DOCK4: variants seen among roughly 807,000 people sequenced by gnomAD.
DOCK4 encodes the protein dedicator of cytokinesis 4, also known as dedicator of cytokinesis protein 4.
Under a neutral mutation model 268.1 loss-of-function variants are expected in DOCK4, and 97 were observed. The observed-to-expected ratio is 0.36, with a 90% CI of 0.31 to 0.43. DOCK4 has a LOEUF of 0.43. Ranked by LOEUF, DOCK4 falls within the 20% of genes least tolerant of loss-of-function variation. The probability of loss-of-function intolerance (pLI) is 1.00; values close to 1 mark genes in which losing one functional copy is unlikely to be tolerated. For missense variants in DOCK4, 2,145 were observed against 2,455.7 expected (o/e 0.87, Z 2.67); for synonymous variants, 954 against 887.2 (o/e 1.08, Z -1.34).
rs1817540882 is a variant in DOCK4, at chr7:112,165,561, C to CGCGCGT, written c.37+40540_37+40541insACGCGC. ...GTGTGTGTGTGTGTGTGTGTGTGTGCGTGTGTGTGTGTATCCCATTTCTTT... is the reference window on the plus strand; with the variant it reads ...GTGTGTGTGTGTGTGTGTGTGTGTGCGCGCGTGTGTGTGTGTGTATCCCATTTCTTT... On this transcript the variant is annotated intron_variant, in intron 1 of 52. Transcript: ENST00000428084. Among the ~76,000 whole-genome samples the CGCGCGT allele has an allele frequency of 6.9e-5, 5 of 72,036 alleles. No individual in the cohort carries two copies. The South Asian group carries it at 2.3e-3, about 33-fold the overall frequency. 47.3% of individuals were successfully genotyped at this position (72,036 alleles called of 152,430 possible). A position where few individuals can be genotyped will look rare whatever the true frequency, so the allele number is the denominator to read the frequency against.
chr7:112,038,680 C>T lies in DOCK4; in HGVS notation c.38-34549G>A, dbSNP rs926398731. Among the ~76,000 whole-genome samples the T allele has an allele frequency of 1.1e-4, 16 of 152,128 alleles. No individual in the cohort carries two copies. The East Asian group carries it at 1.2e-3, about 11-fold the overall frequency. On this transcript the variant is annotated intron_variant, in intron 1 of 52. Transcript: ENST00000428084. ...ACCAACACCAGCGGGTCACATTTCT[C>T]CTCCAAGTGACCAAAGTAACAAAAA...
rs181036867 is a variant in DOCK4, at chr7:111,850,194, C to T, written c.2474-3068G>A. Among the ~76,000 whole-genome samples the T allele has an allele frequency of 7.6e-4, 115 of 152,202 alleles. 1 individual carries two copies. Among genetic ancestry groups the T allele is most frequent in the Non-Finnish European group, 1.3e-3 (90 of 68,006 alleles). On this transcript the variant is annotated intron_variant, in intron 23 of 52. Coordinates refer to ENST00000428084, the MANE Select transcript of DOCK4 (RefSeq NM_001363540.2). ...ATAAAGTTGATAACACCCTTGATAT[C>T]TGATTGGGTTCCTCATCCTCCACCA...
chr7:111,795,217 C>G (rs1370896237), intron 30 of DOCK4, among the ~76,000 whole-genome samples: 1 of 152,088 alleles, frequency 6.6e-6, no homozygotes, highest in African/African-American at 2.4e-5. Context: ...CTGGTAGTCC[C>G]AGCTACTTGG....
At chr7:112,160,159 T>G (rs1445553096) in intron 1 of DOCK4, among the ~76,000 whole-genome samples, 2 of 152,200 alleles carry the variant, frequency 1.3e-5, no homozygotes, top group East Asian at 3.8e-4. Flanking sequence ...TCTATCTCAG[T>G]GCACTGCAGT....
chr7:111,947,608 G>A (rs551578690), intron 8 of DOCK4, among the ~76,000 whole-genome samples: 12 of 152,280 alleles, frequency 7.9e-5, no homozygotes, highest in African/African-American at 2.9e-4. Context: ...TATACTGAGG[G>A]TGCAGAGATA....
At chr7:111,980,542 T>C (rs1178709835) in intron 7 of DOCK4, among the ~76,000 whole-genome samples, 1 of 152,174 alleles carries the variant, frequency 6.6e-6, no homozygotes, top group Non-Finnish European at 1.5e-5. Context: ...GCATTAATTA[T>C]TGAATGAACT....
intron 1 of DOCK4, among the ~76,000 whole-genome samples, chr7:112,119,279 A>C (rs1436295059): frequency 6.6e-6 from 1 of 151,898 alleles, no homozygotes; most frequent in East Asian, 1.9e-4. Context: ...ATTCCACCCC[A>C]CCCTGCCGCT....
chr7:111,836,771 A>T (rs1394027941), intron 25 of DOCK4, among the ~76,000 whole-genome samples: 2 of 152,142 alleles, frequency 1.3e-5, no homozygotes, highest in Non-Finnish European at 2.9e-5. Flanking sequence ...GGCAGATTAG[A>T]CACTGCAGAA....
intron 23 of DOCK4, among the ~76,000 whole-genome samples, chr7:111,861,213 A>G (rs966566878): frequency 2.6e-5 from 4 of 152,218 alleles, no homozygotes; most frequent in Non-Finnish European, 4.4e-5. Context: ...GCAGAGTTGG[A>G]AAACCACTAC....
intron 1 of DOCK4, among the ~76,000 whole-genome samples, chr7:112,061,445 A>C (rs1806379036): frequency 1.3e-5 from 2 of 152,110 alleles, no homozygotes; most frequent in African/African-American, 4.8e-5. Flanking sequence ...AAGGTAGCTC[A>C]AGACAGATGC....
intron 52 of DOCK4, among the ~76,000 whole-genome samples, chr7:111,730,080 C>T (rs1055284025): frequency 6.6e-6 from 1 of 152,134 alleles, no homozygotes; most frequent in Admixed American, 6.5e-5. Context: ...CACTATGCCA[C>T]GTGGGGACTA....
intron 1 of DOCK4, among the ~76,000 whole-genome samples, chr7:112,055,056 T>A (rs1185126105): frequency 6.6e-6 from 1 of 152,192 alleles, no homozygotes; most frequent in Non-Finnish European, 1.5e-5. Context: ...CCATCATCAA[T>A]AAGGTCTTAG....
intron 13 of DOCK4, among the ~76,000 whole-genome samples, chr7:111,905,076 T>C (rs1452977680): frequency 6.6e-6 from 1 of 152,248 alleles, no homozygotes; most frequent in East Asian, 1.9e-4. Flanking sequence ...CCAGGAATTT[T>C]ACAGCTTGCT....
rs560558756 is a variant in DOCK4, at chr7:111,726,207, T to G, written c.*2067A>C. 6.5e-6 allele frequency: 1 copy of G among 152,796 alleles called. No homozygotes were observed. The highest frequency in any genetic ancestry group is 1.9e-4 in the East Asian group (1 of 5,190). 9.5% of individuals were successfully genotyped at this position (152,796 alleles called of 1,614,324 possible). On this transcript the variant is annotated 3_prime_UTR_variant, in exon 53 of 53. Transcript: ENST00000428084. ...GAATCTCTTAAAATGTTCTGCTATG[T>G]AGCTGCTTCAGAAATACACACACAT...
intron 49 of DOCK4, 105 bp downstream of exon 49, chr7:111,739,029 T>C (rs1795704052): frequency 2.2e-6 from 2 of 890,558 alleles, no homozygotes; most frequent in African/African-American, 3.3e-5. Flanking sequence ...GGTCTGACAC[T>C]GCCCAGCTGC....
At chr7:111,878,709 C>T (rs1807122694) in intron 16 of DOCK4, among the ~76,000 whole-genome samples, 1 of 152,108 alleles carries the variant, frequency 6.6e-6, no homozygotes, top group Non-Finnish European at 1.5e-5. Context: ...CACTGCTGCC[C>T]TGCCATTGAG....
intron 1 of DOCK4, among the ~76,000 whole-genome samples, chr7:112,165,727 C>G (rs1179967248): frequency 6.6e-6 from 1 of 151,934 alleles, no homozygotes; most frequent in African/African-American, 2.4e-5. Flanking sequence ...GGAAAAAAAT[C>G]AAGAAGTACT....
chr7:111,783,255 T>C (rs905726821), intron 34 of DOCK4, among the ~76,000 whole-genome samples: 1 of 152,182 alleles, frequency 6.6e-6, no homozygotes, highest in African/African-American at 2.4e-5. Context: ...TATTGTACAC[T>C]TCCTACAGTA....
chr7:111,790,844 G>A lies in DOCK4; in HGVS notation c.3167-239C>T, dbSNP rs182407817. Among the ~76,000 whole-genome samples the A allele has an allele frequency of 3.0e-4, 46 of 151,802 alleles. 1 individual carries two copies. In the East Asian group the frequency reaches 8.7e-3, roughly 29 times the overall value. ...GGAGGCTGAGGCTGCAGATCACGAGGTCAGGAGATCGAGACCATCCTGGCT... is the reference window on the plus strand; with the variant it reads ...GGAGGCTGAGGCTGCAGATCACGAGATCAGGAGATCGAGACCATCCTGGCT... On this transcript the variant is annotated intron_variant, in intron 30 of 52. Coordinates refer to ENST00000428084, the MANE Select transcript of DOCK4 (RefSeq NM_001363540.2).
Sources: gnomAD v4.1 joint callset for allele counts (sites outside exome capture counted in the v4.1 genomes callset) on GRCh38, gnomAD v4.1.1 for gene constraint, MANE v1.5 for transcripts, NCBI Gene and HGNC (gene_info 2026-07-23, HGNC 2026-07-21) for gene names.